The following MRTFB variants were observed in gnomAD, a reference collection of about 807,000 sequenced individuals.
MRTFB encodes the protein myocardin-related transcription factor B.
Under a neutral mutation model 104.2 loss-of-function variants are expected in MRTFB, and 29 were observed. The observed-to-expected ratio is 0.28, with a 90% CI of 0.21 to 0.38. The LOEUF is 0.38. MRTFB is among the 10% of genes least tolerant of loss of function. The probability of loss-of-function intolerance (pLI) is 1.00; values close to 1 mark genes in which losing one functional copy is unlikely to be tolerated. For synonymous variants in MRTFB, 535 were observed against 519.5 expected (o/e 1.03, Z -0.41); for missense variants, 1,270 against 1,341.6 (o/e 0.95, Z 0.83).
intron 2 of MRTFB, among the ~76,000 whole-genome samples, chr16:14,114,922 A>G (rs2036460626): frequency 6.6e-6 from 1 of 152,226 alleles, no homozygotes; most frequent in Non-Finnish European, 1.5e-5. Flanking sequence ...CCTACAATAA[A>G]TAGTGCCTGG....
chr16:14,169,435 T>G (rs1466834197), intron 3 of MRTFB, among the ~76,000 whole-genome samples: 2 of 140,056 alleles, frequency 1.4e-5, no homozygotes, highest in Non-Finnish European at 3.0e-5. Flanking sequence ...CACCTTTTTT[T>G]AACTTTGCCC....
rs2042979552 is a variant in MRTFB at position 14,245,638 on chromosome 16, C to T, written c.1190C>T (p.Pro397Leu). 3 of 1,613,602 alleles carry T rather than the reference C, an allele frequency of 1.9e-6. No individual in the cohort carries two copies. The highest frequency in any genetic ancestry group is 4.5e-5 in the East Asian group (2 of 44,862). ...STPVRKPGPL[P>L]SSLDDLKVSE... ...CCTGTGAGAAAGCCAGGACCTCTGC[C>T]TTCTAGCCTGGATGACTTAAAGGTG... The change falls in exon 11 of 17, where the codon CCT (proline) becomes CTT (leucine). Residue 397 changes from proline to leucine, a missense_variant. Pro to Leu is a moderately conservative substitution (Grantham distance 98). Coordinates refer to ENST00000571589, the MANE Select transcript of MRTFB (RefSeq NM_001308142.2).
At chr16:14,210,037 C>T (rs754997737) in intron 3 of MRTFB, among the ~76,000 whole-genome samples, 1 of 152,148 alleles carries the variant, frequency 6.6e-6, no homozygotes, top group African/African-American at 2.4e-5. Context: ...AAAATTTATA[C>T]TGTGTAAACT....
At chr16:14,033,583 T>C in the MRTFB span, among the ~76,000 whole-genome samples, 1 of 151,790 alleles carries the variant, frequency 6.6e-6, no homozygotes, top group East Asian at 1.9e-4. Context: ...ACACCTCTAA[T>C]CCCAGCACTT....
At chr16:14,034,049 C>T in the MRTFB span, among the ~76,000 whole-genome samples, 1 of 152,142 alleles carries the variant, frequency 6.6e-6, no homozygotes, top group Non-Finnish European at 1.5e-5. Flanking sequence ...TCCCGCCCTT[C>T]TCCCAGAGCT....
In MRTFB at chr16:14,251,847, A is replaced by G. The variant is rs1347280147; in HGVS notation, c.2404-15A>G. On this transcript the variant is annotated splice_polypyrimidine_tract_variant and intron_variant, in intron 13 of 16. Coordinates refer to ENST00000571589, the MANE Select transcript of MRTFB (RefSeq NM_001308142.2). ...CCAAAGAACAAATTAATGGAGAAAC[A>G]TTTATTCATTACAGGTTTTCACAAA... 14 of 1,612,008 alleles carry G rather than the reference A, an allele frequency of 8.7e-6. No homozygotes were observed. The highest frequency in any genetic ancestry group is 8.4e-5 in the Admixed American group (5 of 59,562).
In MRTFB at chr16:14,240,272, T is replaced by C; in HGVS notation, c.867T>C (p.Arg289=). The change falls in exon 10 of 17, where the codon CGT becomes CGC. Residue 289 remains arginine (R), a synonymous_variant. Transcript: ENST00000571589. ...CCAAGAATCCAAATGACAAACACCG[T>C]AGCAAAAAGTGCAAAGATCCCAAAC... ...SHPKNPNDKH[R]SKKCKDPKPR... is the part of the protein sequence containing the mutation. 1 of 1,611,698 alleles carries C rather than the reference T, an allele frequency of 6.2e-7. No individual in the cohort carries two copies. The highest frequency in any genetic ancestry group is 1.3e-5 in the African/African-American group (1 of 74,934).
intron 3 of MRTFB, among the ~76,000 whole-genome samples, chr16:14,181,068 T>A (rs968310047): frequency 1.1e-4 from 17 of 152,218 alleles, no homozygotes; most frequent in Non-Finnish European, 1.5e-4. Context: ...ATGTTCAGTA[T>A]ATATTTTTAA....
At chr16:14,224,297 GTGAAACA>G (rs1297393498) in intron 8 of MRTFB, among the ~76,000 whole-genome samples, 2 of 152,178 alleles carry the variant, frequency 1.3e-5, no homozygotes, top group African/African-American at 4.8e-5. Context: ...TTTTGTTGTT[GTGAAACA>G]TCATAGAGTA....
At chr16:14,056,135 T>C in the MRTFB span, among the ~76,000 whole-genome samples, 30 of 152,088 alleles carry the variant, frequency 2.0e-4, no homozygotes, top group Admixed American at 1.4e-3. Flanking sequence ...TGCACCACCA[T>C]GCCCTGGTAA....
the MRTFB span, among the ~76,000 whole-genome samples, chr16:14,052,144 T>TGG: frequency 8.5e-5 from 13 of 152,080 alleles, no homozygotes; most frequent in African/African-American, 2.7e-4. Context: ...GGGTTTTGCA[T>TGG]GGGGGGGTGC....
chr16:14,145,160 ATGT>A (rs1020613496), intron 3 of MRTFB, among the ~76,000 whole-genome samples: 10 of 151,652 alleles, frequency 6.6e-5, no homozygotes, highest in East Asian at 1.9e-4. Flanking sequence ...TTTTTCAGAC[ATGT>A]TGTTCATTTT....
the MRTFB span, among the ~76,000 whole-genome samples, chr16:14,044,745 C>G: frequency 0.016 from 2,495 of 152,292 alleles, 74 homozygotes; most frequent in African/African-American, 0.057. Flanking sequence ...GAGACTTTGT[C>G]ATTTCAGATT....
the MRTFB span, among the ~76,000 whole-genome samples, chr16:14,038,261 G>A: frequency 1.3e-5 from 2 of 152,052 alleles, no homozygotes; most frequent in Non-Finnish European, 2.9e-5. Context: ...GTCATTTTGG[G>A]TTAGGGGCCA....
chr16:14,264,946 T>G lies in MRTFB; in HGVS notation c.*3502T>G, dbSNP rs1287466787. On this transcript the variant is annotated 3_prime_UTR_variant, in exon 17 of 17. Transcript: ENST00000571589. The stretch of plus-strand genomic sequence containing the variant: ...CCAGGCTGAAATCAGCCATAGCAGT[T>G]GACAAAACAGCTATCCCCACAAGTG... 2 of 152,248 alleles carry G rather than the reference T, an allele frequency of 1.3e-5. No individual in the cohort carries two copies. Among genetic ancestry groups the G allele is most frequent in the Non-Finnish European group, 2.9e-5 (2 of 68,048 alleles). The allele number at this position is 152,248 out of a possible 1,614,324, so 9.4% of individuals were successfully genotyped here. A position where few individuals can be genotyped will look rare whatever the true frequency, so the allele number is the denominator to read the frequency against.
intron 3 of MRTFB, among the ~76,000 whole-genome samples, chr16:14,201,975 T>G (rs535569176): frequency 6.6e-6 from 1 of 152,316 alleles, no homozygotes; most frequent in South Asian, 2.1e-4. Context: ...GAAGTCTTAA[T>G]CAGCAGATTA....
chr16:14,011,888 A>C, the MRTFB span, among the ~76,000 whole-genome samples: 1 of 152,110 alleles, frequency 6.6e-6, no homozygotes, highest in Non-Finnish European at 1.5e-5. Flanking sequence ...AATAATAATA[A>C]TTCTTGCAAG....
rs552195586 is a variant in MRTFB, at chr16:14,244,554, G to A, written c.1080-974G>A. Among the ~76,000 whole-genome samples, 78 of 152,258 alleles carry A rather than the reference G, an allele frequency of 5.1e-4. 1 individual carries two copies. Among genetic ancestry groups the A allele is most frequent in the African/African-American group, 1.8e-3 (75 of 41,538 alleles). ...CTGCCAGCAGTGTGTGATTGTTCTG[G>A]TTGTCCCAGGTACTTGGTATCAGTC... On this transcript the variant is annotated intron_variant, in intron 10 of 16. Coordinates refer to ENST00000571589, the MANE Select transcript of MRTFB (RefSeq NM_001308142.2).
the MRTFB span, among the ~76,000 whole-genome samples, chr16:14,040,742 T>C: frequency 6.6e-6 from 1 of 152,082 alleles, no homozygotes; most frequent in African/African-American, 2.4e-5. Flanking sequence ...GGATTACAGG[T>C]GCAAGCCACC....
Sources: allele counts gnomAD v4.1 joint callset (sites outside exome capture counted in the v4.1 genomes callset), GRCh38; gene constraint gnomAD v4.1.1; transcripts MANE v1.5; gene names NCBI Gene and HGNC (gene_info 2026-07-23, HGNC 2026-07-21).